The following SLC22A4 variants were observed in gnomAD, a reference collection of about 807,000 sequenced individuals.
SLC22A4 encodes solute carrier family 22 member 4, also known as ET transporter.
In SLC22A4, 39 loss-of-function variants were observed where a neutral mutation model predicts 56.6. The observed-to-expected ratio is 0.69, with a 90% confidence interval of 0.53 to 0.90. SLC22A4 has a LOEUF of 0.90. Among genes scored for constraint, SLC22A4 ranks in the 40% least tolerant of loss-of-function variants. SLC22A4 has a pLI of 0.00. For synonymous variants in SLC22A4, 241 were observed against 281.4 expected, an observed-to-expected ratio of 0.86 and a Z score of 1.44; for missense variants, 594 against 696.5, an observed-to-expected ratio of 0.85 and a Z score of 1.66.
intron 2 of SLC22A4, among the ~76,000 whole-genome samples, chr5:132,312,631 C>G (rs922186108): frequency 6.6e-6 from 1 of 152,228 alleles, no homozygotes; most frequent in African/African-American, 2.4e-5. Context: ...GTGGATGGCA[C>G]AGGATCTGTC....
At chr5:132,297,147 G>A (rs1357204628) in intron 1 of SLC22A4, among the ~76,000 whole-genome samples, 5 of 151,994 alleles carry the variant, frequency 3.3e-5, no homozygotes, top group East Asian at 1.9e-4. Context: ...GTGAAACCCC[G>A]TCTCTACTAA....
chr5:132,300,494 T>C (rs1749885119), intron 1 of SLC22A4, among the ~76,000 whole-genome samples: 1 of 152,258 alleles, frequency 6.6e-6, no homozygotes, highest in Non-Finnish European at 1.5e-5. Context: ...CATTTATTAA[T>C]TGGAATTCTT....
intron 3 of SLC22A4, among the ~76,000 whole-genome samples, chr5:132,314,896 A>C (rs1250249525): frequency 1.3e-5 from 2 of 152,204 alleles, no homozygotes; most frequent in African/African-American, 4.8e-5. Context: ...AGGTGGGAAG[A>C]ACATGCTGGA....
intron 1 of SLC22A4, among the ~76,000 whole-genome samples, chr5:132,297,379 G>A (rs1452112045): frequency 6.6e-6 from 1 of 152,072 alleles, no homozygotes; most frequent in African/African-American, 2.4e-5. Context: ...GGGAGGAGGA[G>A]GGAAGGAAGC....
chr5:132,319,429 C>T (rs1470564624), intron 3 of SLC22A4, among the ~76,000 whole-genome samples: 4 of 152,096 alleles, frequency 2.6e-5, no homozygotes, highest in Non-Finnish European at 5.9e-5. Flanking sequence ...CCAAGTCATG[C>T]CCCCAGTAAT....
chr5:132,338,972 G>A (rs1751114494), intron 8 of SLC22A4, among the ~76,000 whole-genome samples: 2 of 152,224 alleles, frequency 1.3e-5, no homozygotes, highest in Non-Finnish European at 2.9e-5. Context: ...GATTGGGGAA[G>A]TGATAAGTGT....
chr5:132,303,716 A>T (rs1035470929), intron 1 of SLC22A4, among the ~76,000 whole-genome samples: 1 of 152,226 alleles, frequency 6.6e-6, no homozygotes, highest in Admixed American at 6.5e-5. Flanking sequence ...TGAGAATATT[A>T]GAGCCTTGAT....
At chr5:132,331,341 A>AC (rs397694380) in intron 5 of SLC22A4, among the ~76,000 whole-genome samples, 1 of 152,126 alleles carries the variant, frequency 6.6e-6, no homozygotes, top group African/African-American at 2.4e-5. Flanking sequence ...TCTAAAAAAA[A>AC]CAAACAAATA....
chr5:132,310,840 G>A (rs1299456044), intron 1 of SLC22A4, among the ~76,000 whole-genome samples: 1 of 152,168 alleles, frequency 6.6e-6, no homozygotes. Context: ...TTCGGATACT[G>A]TAACCCTTCT....
chr5:132,314,461 A>T (rs976584526), intron 3 of SLC22A4, among the ~76,000 whole-genome samples: 1 of 152,138 alleles, frequency 6.6e-6, no homozygotes, highest in Non-Finnish European at 1.5e-5. Flanking sequence ...CAGGAGTGAG[A>T]GAGTGTGTTC....
intron 4 of SLC22A4, among the ~76,000 whole-genome samples, chr5:132,325,262 T>C (rs1440262670): frequency 2.0e-5 from 3 of 152,216 alleles, no homozygotes; most frequent in African/African-American, 7.2e-5. Flanking sequence ...TGCACTAATA[T>C]AGTAGCCACC....
At chr5:132,330,075 G>A (rs1750811536) in intron 5 of SLC22A4, among the ~76,000 whole-genome samples, 2 of 152,144 alleles carry the variant, frequency 1.3e-5, no homozygotes, top group Non-Finnish European at 2.9e-5. Context: ...TAATACCAGG[G>A]TTATTCTGCT....
In SLC22A4 at chr5:132,294,403, G is replaced by C. The variant is rs1169323079; in HGVS notation, c.-214G>C. ...ATGGGGGTGTGGTCCCAAGTGTACA[G>C]TGGCATCAAGCTCAGCGCGAGCTCC... is the stretch of plus-strand genomic sequence containing the variant. On this transcript the variant is annotated 5_prime_UTR_variant, in exon 1 of 10. Coordinates refer to ENST00000200652, the MANE Select transcript of SLC22A4 (RefSeq NM_003059.3). The surrounding 1 kb of genome is among the most constrained non-coding windows in gnomAD (Gnocchi z 5.6). 1.6e-6 allele frequency: 1 copy of C among 642,366 alleles called. No homozygotes were observed. The highest frequency in any genetic ancestry group is 2.7e-6 in the Non-Finnish European group (1 of 367,374). 39.8% of individuals were successfully genotyped at this position (642,366 alleles called of 1,614,324 possible).
chr5:132,339,475 T>TACACACACACACACACAC lies in SLC22A4; in HGVS notation c.1445-1079_1445-1062dup, dbSNP rs58759726. Among the ~76,000 whole-genome samples, 782 of 146,708 alleles carry TACACACACACACACACAC rather than the reference T, an allele frequency of 5.3e-3. 19 individuals carry two copies. Among genetic ancestry groups the TACACACACACACACACAC allele is most frequent in the Admixed American group, 0.04 (579 of 14,648 alleles). On this transcript the variant is annotated intron_variant, in intron 8 of 9. Transcript: ENST00000200652. ...AATTGGTTACCTACTGGTACACACG[T>TACACACACACACACACAC]ACACACACACACACACACACACACA...
chr5:132,305,808 T>C (rs1750014243), intron 1 of SLC22A4, among the ~76,000 whole-genome samples: 1 of 152,202 alleles, frequency 6.6e-6, no homozygotes, highest in Non-Finnish European at 1.5e-5. Flanking sequence ...ACTTCAGAAA[T>C]AAATTTAACC....
At chr5:132,295,220 A>T (rs1472122637) in intron 1 of SLC22A4, 1 of 722,800 alleles carries the variant, frequency 1.4e-6, no homozygotes, top group South Asian at 1.5e-5. Flanking sequence ...TAAGGAGGTG[A>T]TGGAGAAAGG....
intron 3 of SLC22A4, 79 bp downstream of exon 3, chr5:132,313,847 T>C (rs926927584): frequency 7.0e-7 from 1 of 1,426,592 alleles, no homozygotes; most frequent in Non-Finnish European, 9.9e-7. Context: ...ATTGGGCCAT[T>C]GGGCTGTGCT....
intron 5 of SLC22A4, among the ~76,000 whole-genome samples, chr5:132,330,475 C>T (rs1042415262): frequency 1.3e-5 from 2 of 152,202 alleles, no homozygotes; most frequent in South Asian, 2.1e-4. Flanking sequence ...CCTGTAATCC[C>T]AGCACTTTGG....
chr5:132,314,388 C>T lies in SLC22A4; in HGVS notation c.652+620C>T, dbSNP rs76994587. 8.1e-3 allele frequency among the ~76,000 whole-genome samples: 1,237 copies of T among 152,252 alleles called. 18 individuals carry two copies. The highest frequency in any genetic ancestry group is 0.028 in the African/African-American group (1,171 of 41,542). ...AAGGTCATGAAGAGGTCCCTGGGGC[C>T]CTCAGCAGCTTTTCCTGGGAGGGAG... On this transcript the variant is annotated intron_variant, in intron 3 of 9. Coordinates refer to ENST00000200652, the MANE Select transcript of SLC22A4 (RefSeq NM_003059.3).
Sources: gnomAD v4.1 joint callset for allele counts (sites outside exome capture counted in the v4.1 genomes callset) on GRCh38, gnomAD v4.1.1 for gene constraint, Gnocchi (gnomAD v3.1) non-coding constraint, MANE v1.5 for transcripts, NCBI Gene and HGNC (gene_info 2026-07-23, HGNC 2026-07-21) for gene names.